The following CAMTA1 variants were observed in gnomAD, a reference collection of about 807,000 sequenced individuals.
The protein encoded by CAMTA1 is calmodulin-binding transcription activator 1.
In CAMTA1, 27 loss-of-function variants were observed where a neutral mutation model predicts 170.9. The observed-to-expected ratio is 0.16, with a 90% CI of 0.12 to 0.22. CAMTA1 has a LOEUF of 0.22. CAMTA1 is among the 10% of genes least tolerant of loss of function. The probability of loss-of-function intolerance (pLI) is 1.00; values close to 1 mark genes in which losing one functional copy is unlikely to be tolerated. For synonymous variants in CAMTA1, 833 were observed against 891.5 expected (o/e 0.93, Z 1.17); for missense variants, 1,619 against 2,217.2 (o/e 0.73, Z 5.42).
intron 4 of CAMTA1, among the ~76,000 whole-genome samples, chr1:7,230,790 G>C (rs1163723309): frequency 6.6e-6 from 1 of 152,180 alleles, no homozygotes. Flanking sequence ...CGGGAGCCAC[G>C]CCAGTTGGGG....
chr1:6,854,993 C>T (rs533458979), intron 3 of CAMTA1, among the ~76,000 whole-genome samples: 1 of 152,172 alleles, frequency 6.6e-6, no homozygotes, highest in East Asian at 1.9e-4. Context: ...TATTATTTTA[C>T]TGGAAGTCCT....
At chr1:6,821,928 C>T (rs1202352884) in intron 2 of CAMTA1, among the ~76,000 whole-genome samples, 3 of 152,054 alleles carry the variant, frequency 2.0e-5, no homozygotes, top group Admixed American at 6.6e-5. Flanking sequence ...AAGGATGGTT[C>T]GTTCTTTAGA....
intron 6 of CAMTA1, among the ~76,000 whole-genome samples, chr1:7,612,398 C>T (rs566782721): frequency 1.2e-4 from 18 of 152,188 alleles, no homozygotes; most frequent in Non-Finnish European, 1.9e-4. Context: ...CTTTCTCTGC[C>T]GTGCCACTGT....
At chr1:7,481,798 GTTC>G (rs1400302689) in intron 6 of CAMTA1, among the ~76,000 whole-genome samples, 1 of 92,110 alleles carries the variant, frequency 1.1e-5, no homozygotes, top group African/African-American at 5.5e-5. Context: ...TTTGCATACA[GTTC>G]TTTTTTTTTT....
chr1:7,368,581 C>T (rs1000318325), intron 5 of CAMTA1, among the ~76,000 whole-genome samples: 3 of 152,194 alleles, frequency 2.0e-5, no homozygotes, highest in East Asian at 3.9e-4. Context: ...CCCACTAGCA[C>T]AGGAGTTCCC....
Position 7,276,291 on chromosome 1 carries a change from A to ATTTTTTTTTTTT in CAMTA1, c.438+26666_438+26667insTTTTTTTTTTTT, listed in dbSNP as rs1257658481. Among the ~76,000 whole-genome samples the ATTTTTTTTTTTT allele has an allele frequency of 2.5e-4, 13 of 51,308 alleles. 1 individual carries two copies. The highest frequency in any genetic ancestry group is 4.6e-4 in the Admixed American group (2 of 4,318). 33.7% of individuals were successfully genotyped at this position (51,308 alleles called of 152,430 possible). A position where few individuals can be genotyped will look rare whatever the true frequency, so the allele number is the denominator to read the frequency against. On this transcript the variant is annotated intron_variant, in intron 5 of 22. Coordinates refer to ENST00000303635, the MANE Select transcript of CAMTA1 (RefSeq NM_015215.4). ...CCTACACCTGATCATATATATATAT[A>ATTTTTTTTTTTT]TATATATATATATTTTTTTTTTTTT... is the stretch of plus-strand genomic sequence containing the variant.
Position 7,464,748 on chromosome 1 carries a change from C to T in CAMTA1, c.439-3082C>T, listed in dbSNP as rs965471897. Among the ~76,000 whole-genome samples, 52 of 152,150 alleles carry T rather than the reference C, an allele frequency of 3.4e-4. 1 individual carries two copies. Among genetic ancestry groups the T allele is most frequent in the Admixed American group, 2.3e-3 (35 of 15,278 alleles). On this transcript the variant is annotated intron_variant, in intron 5 of 22. Transcript: ENST00000303635. ...AATCACTGATGAGGGTGCACACTCA[C>T]GGGGGGTCCAAGGAGCATCCCGAGG...
In CAMTA1 at chr1:7,677,719, G is replaced by T; in HGVS notation, c.2900G>T (p.Trp967Leu). Residue 967 changes from tryptophan to leucine, a missense_variant, in exon 11 of 23, where the codon TGG (tryptophan) becomes TTG (leucine). Transcript: ENST00000303635. Reference protein sequence around the residue: ...LPTLPSSQHDWLSLDDNQFRM... With the variant: ...LPTLPSSQHDLLSLDDNQFRM... ...ACGCTCCCTTCCTCCCAGCACGACTGGCTGTCGTTGGACGGTAAGAACAGT... is the reference window on the plus strand; with the variant it reads ...ACGCTCCCTTCCTCCCAGCACGACTTGCTGTCGTTGGACGGTAAGAACAGT... 1 of 1,613,864 alleles carries T rather than the reference G, an allele frequency of 6.2e-7. No homozygotes were observed. Among genetic ancestry groups the T allele is most frequent in the Middle Eastern group, 1.7e-4 (1 of 6,060 alleles).
At chr1:7,281,683 A>G (rs1358977464) in intron 5 of CAMTA1, among the ~76,000 whole-genome samples, 1 of 152,190 alleles carries the variant, frequency 6.6e-6, no homozygotes, top group African/African-American at 2.4e-5. Context: ...ATCACTGTCC[A>G]TTCAATTTAC....
chr1:7,354,146 T>TTC (rs1442290651), intron 5 of CAMTA1, among the ~76,000 whole-genome samples: 4 of 150,776 alleles, frequency 2.7e-5, no homozygotes, highest in African/African-American at 9.9e-5. Flanking sequence ...CATTTTCTTT[T>TTC]TCTCTTTTTT....
At chr1:7,406,323 C>G (rs1424482449) in intron 5 of CAMTA1, among the ~76,000 whole-genome samples, 1 of 152,196 alleles carries the variant, frequency 6.6e-6, no homozygotes, top group Non-Finnish European at 1.5e-5. Flanking sequence ...GAGGCTGTTT[C>G]AGAGCACAGT....
At chr1:7,269,815 G>A (rs1050930580) in intron 5 of CAMTA1, among the ~76,000 whole-genome samples, 3 of 152,156 alleles carry the variant, frequency 2.0e-5, no homozygotes, top group African/African-American at 7.2e-5. Context: ...TGAAGAACAG[G>A]TGGTCAAGAC....
chr1:7,284,126 GTTCTTCTTCTTCTTCTTC>G (rs202166286), intron 5 of CAMTA1, among the ~76,000 whole-genome samples: 69 of 106,994 alleles, frequency 6.4e-4, no homozygotes, highest in South Asian at 5.4e-3. Flanking sequence ...ATTTGCTGCT[GTTCTTCTTCTTCTTCTTC>G]TTCTTCTTCT....
chr1:6,973,551 C>A (rs1004550609), intron 3 of CAMTA1, among the ~76,000 whole-genome samples: 1 of 152,190 alleles, frequency 6.6e-6, no homozygotes, highest in East Asian at 1.9e-4. Context: ...GTGGTTTCCA[C>A]GTTTGGGCTT....
Position 7,248,800 on chromosome 1 carries a change from G to A in CAMTA1, c.303-691G>A, listed in dbSNP as rs926835107. The stretch of plus-strand genomic sequence containing the variant: ...CCATCTAACTCTTAGCATTTAGGGA[G>A]CAAGCCGCTATTTCCCTGAGATGCT... On this transcript the variant is annotated intron_variant, in intron 4 of 22. Coordinates refer to ENST00000303635, the MANE Select transcript of CAMTA1 (RefSeq NM_015215.4). The surrounding 1 kb of genome is among the most constrained non-coding windows in gnomAD (Gnocchi z 4.0). Among the ~76,000 whole-genome samples, 2 of 152,144 alleles carry A rather than the reference G, an allele frequency of 1.3e-5. No individual in the cohort carries two copies. The highest frequency in any genetic ancestry group is 4.8e-5 in the African/African-American group (2 of 41,428).
intron 3 of CAMTA1, among the ~76,000 whole-genome samples, chr1:6,869,850 C>A (rs760126854): frequency 5.9e-5 from 9 of 152,106 alleles, no homozygotes; most frequent in Non-Finnish European, 7.4e-5. Context: ...TTCAGGTAGT[C>A]TGGTGTCTGA....
chr1:6,885,495 C>G (rs1365208856), intron 3 of CAMTA1, among the ~76,000 whole-genome samples: 1 of 152,164 alleles, frequency 6.6e-6, no homozygotes, highest in East Asian at 1.9e-4. Flanking sequence ...CAGAAATTTG[C>G]TGCTGAAACT....
At chr1:7,118,014 C>A (rs916331915) in intron 4 of CAMTA1, among the ~76,000 whole-genome samples, 1 of 152,110 alleles carries the variant, frequency 6.6e-6, no homozygotes, top group South Asian at 2.1e-4. Flanking sequence ...CATTTTCAGC[C>A]GAGGTGTTGG....
At chr1:7,717,505 G>A (rs1319705312) in intron 11 of CAMTA1, among the ~76,000 whole-genome samples, 1 of 152,082 alleles carries the variant, frequency 6.6e-6, no homozygotes, top group Non-Finnish European at 1.5e-5. Flanking sequence ...CAGCACTTTG[G>A]GAGGCTGAGG....
Sources: gnomAD v4.1 joint callset for allele counts (sites outside exome capture counted in the v4.1 genomes callset) on GRCh38, gnomAD v4.1.1 for gene constraint, Gnocchi (gnomAD v3.1) non-coding constraint, MANE v1.5 for transcripts, NCBI Gene and HGNC (gene_info 2026-07-23, HGNC 2026-07-21) for gene names.